ACADSB: variants seen among roughly 807,000 people sequenced by gnomAD.
The protein encoded by ACADSB is short/branched chain specific acyl-CoA dehydrogenase, mitochondrial.
ACADSB carries 40 observed loss-of-function variants against 54.1 expected under a neutral mutation model. The ratio of observed to expected loss-of-function variants is 0.74; its 90% CI spans 0.57 to 0.96. ACADSB has a LOEUF of 0.96. Ranked by LOEUF, ACADSB falls within the 40% of genes least tolerant of loss-of-function variation. ACADSB has a pLI of 0.00. For missense variants in ACADSB, 530 were observed against 510.4 expected, an observed-to-expected ratio of 1.04 and a Z score of -0.37; for synonymous variants, 182 against 182.8, an observed-to-expected ratio of 1.00 and a Z score of 0.03.
chr10:123,010,002 C>G (rs1166826359), intron 1 of ACADSB, among the ~76,000 whole-genome samples: 1 of 152,212 alleles, frequency 6.6e-6, no homozygotes, highest in East Asian at 1.9e-4. Flanking sequence ...GAACTCTGAC[C>G]CTTTTTCTTA....
chr10:123,031,294 C>G (rs9423251), intron 1 of ACADSB, among the ~76,000 whole-genome samples: 2 of 152,172 alleles, frequency 1.3e-5, no homozygotes, highest in African/African-American at 2.4e-5. Context: ...ATTCTGTCCA[C>G]GAGGCCCAGA....
At chr10:123,041,111 A>G in intron 4 of ACADSB, 98 bp from the exon 5 acceptor site, 2 of 1,330,224 alleles carry the variant, frequency 1.5e-6, no homozygotes, top group Non-Finnish European at 2.1e-6. Flanking sequence ...AAAAGCAGCT[A>G]AAGATTTGAT....
intron 1 of ACADSB, among the ~76,000 whole-genome samples, chr10:123,014,601 A>T (rs1850087892): frequency 6.6e-6 from 1 of 152,252 alleles, no homozygotes; most frequent in African/African-American, 2.4e-5. Context: ...AGTTTTGGGG[A>T]TCTGTAGGTT....
chr10:123,009,706 T>C (rs1199539626), intron 1 of ACADSB, among the ~76,000 whole-genome samples: 1 of 135,138 alleles, frequency 7.4e-6, no homozygotes, highest in East Asian at 2.0e-4. Flanking sequence ...TGCCGGTCCC[T>C]CTTCCATGAA....
At position 123,057,634 on chromosome 10, in the gene ACADSB, A is replaced by G. The variant is rs1850725099; in HGVS notation, c.*3869A>G. ...TGTGGGTGGCACTGGATTCCACCCA[A>G]CTGCCAAGTTAGTATTGTTAGAGAT... On this transcript the variant is annotated 3_prime_UTR_variant, in exon 11 of 11. Coordinates refer to ENST00000358776, the MANE Select transcript of ACADSB (RefSeq NM_001609.4). 1 of 152,244 alleles carries G rather than the reference A, an allele frequency of 6.6e-6. No homozygotes were observed. The highest frequency in any genetic ancestry group is 2.1e-4 in the South Asian group (1 of 4,832). 9.4% of individuals were successfully genotyped at this position (152,244 alleles called of 1,614,324 possible).
chr10:123,029,480 A>T (rs186689844), intron 1 of ACADSB, among the ~76,000 whole-genome samples: 110 of 152,318 alleles, frequency 7.2e-4, no homozygotes, highest in Non-Finnish European at 1.4e-3. Context: ...TTAAACTTTT[A>T]CTATATCTTT....
chr10:123,022,548 G>A (rs569517827), intron 1 of ACADSB, among the ~76,000 whole-genome samples: 1 of 152,304 alleles, frequency 6.6e-6, no homozygotes, highest in Admixed American at 6.5e-5. Context: ...ACCGCACGTG[G>A]TTATAAGGGA....
chr10:123,039,949 C>A (rs1850447854), intron 3 of ACADSB, among the ~76,000 whole-genome samples: 1 of 152,070 alleles, frequency 6.6e-6, no homozygotes, highest in Non-Finnish European at 1.5e-5. Context: ...ATAATTTTAT[C>A]CTTTTCAAAT....
chr10:123,034,185 C>G (rs1850365221), intron 1 of ACADSB, among the ~76,000 whole-genome samples, 171 bp from the exon 2 acceptor site: 1 of 55,314 alleles, frequency 1.8e-5, no homozygotes, highest in Non-Finnish European at 3.4e-5. Flanking sequence ...AAGAAGGTAT[C>G]ACATCATGTT....
In ACADSB at chr10:123,029,674, A is replaced by G. The variant is rs115403179; in HGVS notation, c.43-4682A>G. On this transcript the variant is annotated intron_variant, in intron 1 of 10. Transcript: ENST00000358776. Reference sequence around the variant, plus strand: ...TGCTATAAGATATTCTGTTGCATCAATATATGACAATTTATGCATGCTTTG... The same window carrying G: ...TGCTATAAGATATTCTGTTGCATCAGTATATGACAATTTATGCATGCTTTG... Among the ~76,000 whole-genome samples, 740 of 152,278 alleles carry G rather than the reference A, an allele frequency of 4.9e-3. 4 individuals carry two copies. Among genetic ancestry groups the G allele is most frequent in the African/African-American group, 0.015 (636 of 41,536 alleles).
chr10:123,039,331 C>G (rs1034712077), intron 3 of ACADSB, among the ~76,000 whole-genome samples: 1 of 152,164 alleles, frequency 6.6e-6, no homozygotes, highest in Non-Finnish European at 1.5e-5. Context: ...CAGCCACAGC[C>G]CTGACTGCAG....
At chr10:123,034,318 T>G in intron 1 of ACADSB, 38 bp from the exon 2 acceptor site, 2 of 1,600,030 alleles carry the variant, frequency 1.2e-6, no homozygotes, top group Admixed American at 1.7e-5. Flanking sequence ...AAAATGATAT[T>G]CAAGTACCTT....
chr10:123,037,807 A>G lies in ACADSB; in HGVS notation c.263A>G (p.Lys88Arg). The change falls in exon 3 of 11, where the codon AAA becomes AGA. Residue 88 changes from lysine (K) to arginine (R), a missense_variant. Physicochemically the swap from Lys to Arg is conservative, Grantham distance 26 (BLOSUM62 2). Coordinates refer to ENST00000358776, the MANE Select transcript of ACADSB (RefSeq NM_001609.4). Reference protein sequence around the residue: ...PLVSTMDENSKMEKSVIQGLF... With the variant: ...PLVSTMDENSRMEKSVIQGLF... Reference sequence around the variant, plus strand: ...GTTTCAACCATGGATGAAAATTCGAAAATGGAGAAATCAGTAATACAAGGA... The same window carrying G: ...GTTTCAACCATGGATGAAAATTCGAGAATGGAGAAATCAGTAATACAAGGA... 6.2e-7 allele frequency: 1 copy of G among 1,611,576 alleles called. No homozygotes were observed.
Position 123,047,129 on chromosome 10 carries a change from G to A in ACADSB, c.901-80G>A, listed in dbSNP as rs58971597. 1.1e-3 allele frequency: 1,260 copies of A among 1,175,948 alleles called. 5 individuals carry two copies. The African/African-American group carries it at 0.017, about 16-fold the overall frequency. The allele number at this position is 1,175,948 out of a possible 1,614,324, so 72.8% of individuals were successfully genotyped here. A position where few individuals can be genotyped will look rare whatever the true frequency, so the allele number is the denominator to read the frequency against. On this transcript the variant is annotated intron_variant, in intron 7 of 10. Transcript: ENST00000358776. ...CCCCTGCCCCAATCATTCAATTTAT[G>A]TTTAGAGGGAATTCACAACTTGGAT...
chr10:123,034,753 C>T (rs1850374651), intron 2 of ACADSB, among the ~76,000 whole-genome samples: 1 of 152,102 alleles, frequency 6.6e-6, no homozygotes, highest in Non-Finnish European at 1.5e-5. Flanking sequence ...TGAAGAAAAG[C>T]AATGCATATC....
intron 1 of ACADSB, among the ~76,000 whole-genome samples, chr10:123,009,813 C>T (rs1564744014): frequency 6.6e-6 from 1 of 152,246 alleles, no homozygotes; most frequent in Non-Finnish European, 1.5e-5. Context: ...TGCTCTTCAC[C>T]CCTTGGACCT....
intron 8 of ACADSB, 41 bp downstream of exon 8, chr10:123,047,339 C>T: frequency 7.3e-7 from 1 of 1,370,986 alleles, no homozygotes; most frequent in Middle Eastern, 1.8e-4. Context: ...TTAGACTTCC[C>T]CAGCTTCCTG....
At chr10:123,036,261 A>G (rs1452887161) in intron 2 of ACADSB, among the ~76,000 whole-genome samples, 3 of 152,038 alleles carry the variant, frequency 2.0e-5, no homozygotes, top group African/African-American at 7.2e-5. Context: ...CTAATTTTGT[A>G]CTTTTAGTAG....
At position 123,052,925 on chromosome 10, in the gene ACADSB, T is replaced by G; in HGVS notation, c.1129-136T>G. 1.4e-6 allele frequency: 1 copy of G among 717,036 alleles called. No individual in the cohort carries two copies. Among genetic ancestry groups the G allele is most frequent in the East Asian group, 2.7e-5 (1 of 36,840 alleles). 44.4% of individuals were successfully genotyped at this position (717,036 alleles called of 1,614,324 possible). A position where few individuals can be genotyped will look rare whatever the true frequency, so the allele number is the denominator to read the frequency against. ...ATGGAGAATGGGACTGAAGAGACAA[T>G]GCTAGTTTAGAAGATAACTTTAGTC... is the stretch of plus-strand genomic sequence containing the variant. On this transcript the variant is annotated intron_variant, in intron 9 of 10. Coordinates refer to ENST00000358776, the MANE Select transcript of ACADSB (RefSeq NM_001609.4). This position sits in a 1 kb window ranked among gnomAD's most constrained non-coding sequence, Gnocchi z 4.2.
Sources: gnomAD v4.1 joint callset for allele counts (sites outside exome capture counted in the v4.1 genomes callset) on GRCh38, gnomAD v4.1.1 for gene constraint, Gnocchi (gnomAD v3.1) non-coding constraint, MANE v1.5 for transcripts, NCBI Gene and HGNC (gene_info 2026-07-23, HGNC 2026-07-21) for gene names.